Variants in INPP4B observed in about 807,000 individuals in gnomAD.
INPP4B encodes the protein inositol polyphosphate-4-phosphatase type II B.
In INPP4B, 55 loss-of-function variants were observed where a neutral mutation model predicts 122.5. That is an observed-to-expected ratio of 0.45 (90% CI 0.36 to 0.56). The LOEUF (loss-of-function observed/expected upper bound fraction) is 0.56, where lower values mean the gene tolerates loss of function less well. Ranked by LOEUF, INPP4B falls within the 20% of genes least tolerant of loss-of-function variation. The probability of loss-of-function intolerance (pLI) is 0.00; values close to 1 mark genes in which losing one functional copy is unlikely to be tolerated. For missense variants in INPP4B, 1,000 were observed against 1,097.7 expected, an observed-to-expected ratio of 0.91 and a Z score of 1.26; for synonymous variants, 403 against 388.7, an observed-to-expected ratio of 1.04 and a Z score of -0.43.
intron 14 of INPP4B, among the ~76,000 whole-genome samples, chr4:142,202,286 T>C (rs1212084923): frequency 6.6e-6 from 1 of 152,040 alleles, no homozygotes; most frequent in Non-Finnish European, 1.5e-5. Flanking sequence ...CTTTCTAAAA[T>C]TCCTACAACT....
At chr4:142,457,535 G>A (rs1325846347) in intron 3 of INPP4B, among the ~76,000 whole-genome samples, 1 of 152,044 alleles carries the variant, frequency 6.6e-6, no homozygotes, top group African/African-American at 2.4e-5. Context: ...TAAGCACATG[G>A]AAAAAATGTT....
chr4:142,804,315 T>C (rs990159983), intron 1 of INPP4B, among the ~76,000 whole-genome samples: 1 of 152,194 alleles, frequency 6.6e-6, no homozygotes, highest in African/African-American at 2.4e-5. Flanking sequence ...AGGGTTTATA[T>C]AATCTGGCAC....
At chr4:142,143,912 T>C (rs2152836701) in intron 18 of INPP4B, among the ~76,000 whole-genome samples, 1 of 152,124 alleles carries the variant, frequency 6.6e-6, no homozygotes, top group East Asian at 1.9e-4. Context: ...ATTTAAATAG[T>C]GACTTCTCTT....
rs1038060468 is a variant in INPP4B at position 142,027,369 on chromosome 4, A to G, written c.*1413T>C. On this transcript the variant is annotated 3_prime_UTR_variant, in exon 26 of 26. Coordinates refer to ENST00000262992, the MANE Select transcript of INPP4B (RefSeq NM_001101669.3). ...TAATATCATCCATTGATCATAGCTA[A>G]GAGAGGGCTTAAGAAGCCTCTGTTA... The G allele has an allele frequency of 3.3e-5, 5 of 152,210 alleles. No homozygotes were observed. Among genetic ancestry groups the G allele is most frequent in the Non-Finnish European group, 7.4e-5 (5 of 68,024 alleles). 9.4% of individuals were successfully genotyped at this position (152,210 alleles called of 1,614,324 possible).
chr4:142,270,769 G>T lies in INPP4B; in HGVS notation c.509C>A (p.Ser170Ter). The part of the protein sequence containing the change: ...EQLLVLSLRT[S>*]DGGKVVGTIE... ...GGTGCCAACCACTTTGCCACCATCTGAAGTTCTGCAACAAAAAATACACGA... is the reference window on the plus strand; with the variant it reads ...GGTGCCAACCACTTTGCCACCATCTTAAGTTCTGCAACAAAAAATACACGA... The change falls in exon 10 of 26, where the codon TCA (serine) becomes TAA (stop). Residue 170 changes from serine to a stop codon, truncating the protein, a stop_gained. Transcript: ENST00000262992. LOFTEE classifies it high-confidence loss of function. 1 of 1,608,534 alleles carries T rather than the reference G, an allele frequency of 6.2e-7. No individual in the cohort carries two copies. The highest frequency in any genetic ancestry group is 8.5e-7 in the Non-Finnish European group (1 of 1,175,138).
intron 2 of INPP4B, among the ~76,000 whole-genome samples, chr4:142,672,856 A>G (rs1043179158): frequency 2.0e-5 from 3 of 152,122 alleles, no homozygotes; most frequent in African/African-American, 7.2e-5. Flanking sequence ...TGGAAGTTTT[A>G]TGGTTTAGAT....
chr4:142,698,898 A>G (rs1761359320), intron 2 of INPP4B, among the ~76,000 whole-genome samples: 1 of 152,158 alleles, frequency 6.6e-6, no homozygotes, highest in South Asian at 2.1e-4. Flanking sequence ...CTCTAGCTCA[A>G]TAATTTTTTA....
In INPP4B at chr4:142,208,406, A is replaced by G. The variant is rs1464273347; in HGVS notation, c.1072+19T>C. 3.6e-6 allele frequency: 5 copies of G among 1,376,362 alleles called. No individual in the cohort carries two copies. Among genetic ancestry groups the G allele is most frequent in the Non-Finnish European group, 5.1e-6 (5 of 987,438 alleles). The allele number at this position is 1,376,362 out of a possible 1,614,324, so 85.3% of individuals were successfully genotyped here. On this transcript the variant is annotated intron_variant, in intron 14 of 25. Coordinates refer to ENST00000262992, the MANE Select transcript of INPP4B (RefSeq NM_001101669.3). ...ACTGTAACATAATTTGCTATTTTTA[A>G]AAGAATAATTTATGATACCTTTCAA...
chr4:142,423,551 C>A (rs1403674473), intron 5 of INPP4B: 4 of 179,362 alleles, frequency 2.2e-5, no homozygotes, highest in South Asian at 1.1e-4. Flanking sequence ...CCTTAACCAC[C>A]AAAGAGGATA....
At chr4:142,727,886 C>CA (rs1264466444) in intron 1 of INPP4B, among the ~76,000 whole-genome samples, 1 of 152,040 alleles carries the variant, frequency 6.6e-6, no homozygotes, top group African/African-American at 2.4e-5. Flanking sequence ...CCCCAACCCC[C>CA]AAAAAATCAG....
At chr4:142,601,202 A>G (rs1008945279) in intron 2 of INPP4B, among the ~76,000 whole-genome samples, 4 of 152,186 alleles carry the variant, frequency 2.6e-5, no homozygotes, top group Non-Finnish European at 5.9e-5. Flanking sequence ...TTTAGATCAA[A>G]TAAGACTAAC....
chr4:142,055,104 T>A (rs1756887451), intron 25 of INPP4B, among the ~76,000 whole-genome samples: 1 of 152,042 alleles, frequency 6.6e-6, no homozygotes, highest in African/African-American at 2.4e-5. Context: ...ATTTTAATAA[T>A]TTTTTTGTGG....
At chr4:142,434,637 G>C (rs1810042985) in intron 3 of INPP4B, among the ~76,000 whole-genome samples, 1 of 152,120 alleles carries the variant, frequency 6.6e-6, no homozygotes, top group East Asian at 1.9e-4. Context: ...CTGATAAAAG[G>C]GATACGGTGA....
chr4:142,610,740 C>A (rs1216927032), intron 2 of INPP4B, among the ~76,000 whole-genome samples: 1 of 152,042 alleles, frequency 6.6e-6, no homozygotes, highest in Non-Finnish European at 1.5e-5. Flanking sequence ...AAACTTATTA[C>A]CCTGAGAATA....
intron 2 of INPP4B, among the ~76,000 whole-genome samples, chr4:142,596,684 A>C (rs1475859488): frequency 6.6e-6 from 1 of 152,242 alleles, no homozygotes; most frequent in Non-Finnish European, 1.5e-5. Context: ...AACAACAATA[A>C]AGCCATTTGG....
chr4:142,550,729 G>C (rs547261994), intron 2 of INPP4B, among the ~76,000 whole-genome samples: 1 of 151,738 alleles, frequency 6.6e-6, no homozygotes, highest in East Asian at 1.9e-4. Context: ...AAGTACTAGG[G>C]GACCAAGTAC....
chr4:142,427,710 C>T (rs901348890), intron 5 of INPP4B, among the ~76,000 whole-genome samples: 2 of 151,966 alleles, frequency 1.3e-5, no homozygotes, highest in African/African-American at 4.8e-5. Flanking sequence ...AACAAGAAAG[C>T]TTTATTTGTG....
At position 142,209,006 on chromosome 4, in the gene INPP4B, A is replaced by G; in HGVS notation, c.857T>C (p.Leu286Pro). 6.2e-7 allele frequency: 1 copy of G among 1,603,792 alleles called. No homozygotes were observed. Among genetic ancestry groups the G allele is most frequent in the Non-Finnish European group, 8.5e-7 (1 of 1,173,542 alleles). Residue 286 changes from leucine (L) to proline (P), a missense_variant, in exon 13 of 26, where the codon CTT becomes CCT. Coordinates refer to ENST00000262992, the MANE Select transcript of INPP4B (RefSeq NM_001101669.3). ...GTCCCAATGTGGAGAAAGCTCACCAAGTTCTTTTATCTCCTGGTTTCTGTT... is the reference window on the plus strand; with the variant it reads ...GTCCCAATGTGGAGAAAGCTCACCAGGTTCTTTTATCTCCTGGTTTCTGTT... ...DLCRNQEIKE[L>P]GELSPHWDNL...
intron 2 of INPP4B, among the ~76,000 whole-genome samples, chr4:142,591,218 G>A (rs1055472968): frequency 1.8e-4 from 28 of 151,910 alleles, no homozygotes; most frequent in African/African-American, 4.8e-4. Flanking sequence ...CTGAGAAGTC[G>A]AGGTTGCAGT....
Sources: gnomAD v4.1 joint callset for allele counts (sites outside exome capture counted in the v4.1 genomes callset) on GRCh38, gnomAD v4.1.1 for gene constraint, MANE v1.5 for transcripts, NCBI Gene and HGNC (gene_info 2026-07-23, HGNC 2026-07-21) for gene names.